The following MLLT3 variants were observed in gnomAD, a reference collection of about 807,000 sequenced individuals.
MLLT3 encodes MLLT3 super elongation complex subunit.
MLLT3 carries 4 observed loss-of-function variants against 53.2 expected under a neutral mutation model. The ratio of observed to expected loss-of-function variants is 0.08; its 90% CI spans 0.04 to 0.17. The LOEUF (loss-of-function observed/expected upper bound fraction) is 0.17. Ranked by LOEUF, MLLT3 falls within the 10% of genes least tolerant of loss-of-function variation. The probability of loss-of-function intolerance (pLI) is 1.00; values close to 1 mark genes in which losing one functional copy is unlikely to be tolerated. For synonymous variants in MLLT3, 283 were observed against 230.6 expected (o/e 1.23, Z -2.06); for missense variants, 569 against 684.0 (o/e 0.83, Z 1.87).
At chr9:20,616,849 G>A (rs537945770) in intron 2 of MLLT3, among the ~76,000 whole-genome samples, 1 of 152,158 alleles carries the variant, frequency 6.6e-6, no homozygotes, top group South Asian at 2.1e-4. Flanking sequence ...GTATCTTTGT[G>A]TACTTGTGAG....
chr9:20,390,341 C>T (rs1200061688), intron 5 of MLLT3, among the ~76,000 whole-genome samples: 1 of 151,864 alleles, frequency 6.6e-6, no homozygotes, highest in Non-Finnish European at 1.5e-5. Flanking sequence ...AGATCTACTA[C>T]CGAAAAAGAG....
intron 7 of MLLT3, among the ~76,000 whole-genome samples, chr9:20,362,267 G>A (rs754874018): frequency 1.3e-5 from 2 of 152,136 alleles, no homozygotes; most frequent in African/African-American, 4.8e-5. Context: ...CAATAAGTAG[G>A]TGGGCAACAA....
At position 20,620,490 on chromosome 9, in the gene MLLT3, G is replaced by A. The variant is rs1820969620; in HGVS notation, c.193+164C>T. On this transcript the variant is annotated intron_variant, in intron 2 of 10. Transcript: ENST00000380338. This position sits in a 1 kb window ranked among gnomAD's most constrained non-coding sequence, Gnocchi z 6.1. ...AGCCGAAGTGGCGCGCGCGCGGGCA[G>A]GCGGGAGCCGGGACCTGGCCCGCGC... 6.6e-6 allele frequency among the ~76,000 whole-genome samples: 1 copy of A among 150,908 alleles called. No individual in the cohort carries two copies. Among genetic ancestry groups the A allele is most frequent in the Admixed American group, 6.6e-5 (1 of 15,150 alleles).
intron 1 of MLLT3, 75 bp downstream of exon 1, chr9:20,622,170 G>C (rs1821038309): frequency 6.1e-6 from 9 of 1,475,262 alleles, no homozygotes; most frequent in South Asian, 1.2e-5. Context: ...CGCTGGCGCT[G>C]TCTGGGCTGC....
intron 2 of MLLT3, among the ~76,000 whole-genome samples, chr9:20,489,779 A>G (rs560106431): frequency 6.6e-6 from 1 of 152,310 alleles, no homozygotes; most frequent in South Asian, 2.1e-4. Context: ...ACGGCAAGCT[A>G]TTTTATTTTG....
At chr9:20,440,184 A>G (rs1823508505) in intron 4 of MLLT3, among the ~76,000 whole-genome samples, 1 of 152,150 alleles carries the variant, frequency 6.6e-6, no homozygotes, top group African/African-American at 2.4e-5. Flanking sequence ...ATTTATACAA[A>G]CCTAAGCCCA....
chr9:20,479,220 G>C (rs779037934), intron 2 of MLLT3, among the ~76,000 whole-genome samples: 10 of 152,052 alleles, frequency 6.6e-5, no homozygotes, highest in Non-Finnish European at 1.3e-4. Context: ...TTTTGTTGTT[G>C]AGGGGGTTCC....
At chr9:20,472,465 A>T (rs1353080025) in intron 2 of MLLT3, among the ~76,000 whole-genome samples, 1 of 152,014 alleles carries the variant, frequency 6.6e-6, no homozygotes, top group Non-Finnish European at 1.5e-5. Flanking sequence ...ATAGTTAGGC[A>T]TTTTCTGTCC....
At chr9:20,417,363 AAT>A (rs1346491759) in intron 4 of MLLT3, among the ~76,000 whole-genome samples, 1 of 147,648 alleles carries the variant, frequency 6.8e-6, no homozygotes, top group African/African-American at 2.5e-5. Flanking sequence ...ATTATATAAA[AAT>A]ATATATATTA....
In MLLT3 at chr9:20,437,804, G is replaced by T. The variant is rs563533480; in HGVS notation, c.420+10319C>A. ...TTCAGAGCTCAAAATCATCAGAAAG[G>T]AAAATTCCACTTCACTTAATCTTTA... On this transcript the variant is annotated intron_variant, in intron 4 of 10. Transcript: ENST00000380338. 3.3e-5 allele frequency among the ~76,000 whole-genome samples: 5 copies of T among 152,172 alleles called. No homozygotes were observed. In the East Asian group the frequency reaches 9.6e-4, roughly 29 times the overall value.
intron 4 of MLLT3, among the ~76,000 whole-genome samples, chr9:20,430,040 G>A (rs527457239): frequency 1.3e-5 from 2 of 152,268 alleles, no homozygotes; most frequent in South Asian, 4.1e-4. Context: ...TTAGTAAGAT[G>A]TTAGAAGTCA....
At chr9:20,494,454 C>A (rs1287253852) in intron 2 of MLLT3, among the ~76,000 whole-genome samples, 1 of 152,090 alleles carries the variant, frequency 6.6e-6, no homozygotes, top group Admixed American at 6.6e-5. Context: ...AAGAAATAAG[C>A]AAATAATTCT....
chr9:20,460,875 T>C (rs1464808116), intron 2 of MLLT3, among the ~76,000 whole-genome samples: 1 of 152,210 alleles, frequency 6.6e-6, no homozygotes. Flanking sequence ...AGAAAAGTGT[T>C]GCCACAGAGG....
At chr9:20,480,796 T>C (rs925548343) in intron 2 of MLLT3, among the ~76,000 whole-genome samples, 74 of 152,298 alleles carry the variant, frequency 4.9e-4, no homozygotes, top group African/African-American at 1.7e-3. Flanking sequence ...TATTTTAATA[T>C]CTCAGAGGGC....
intron 2 of MLLT3, among the ~76,000 whole-genome samples, chr9:20,581,129 C>T (rs1819781122): frequency 6.6e-6 from 1 of 152,088 alleles, no homozygotes; most frequent in Non-Finnish European, 1.5e-5. Flanking sequence ...CTTTCAAGAC[C>T]ATGTTTCTTT....
intron 4 of MLLT3, among the ~76,000 whole-genome samples, chr9:20,430,277 A>C (rs1164267942): frequency 6.6e-6 from 1 of 152,162 alleles, no homozygotes; most frequent in Non-Finnish European, 1.5e-5. Flanking sequence ...TTCAATTCAA[A>C]TCTCAACAGT....
intron 2 of MLLT3, among the ~76,000 whole-genome samples, chr9:20,487,066 A>C (rs1824832982): frequency 1.3e-5 from 2 of 152,268 alleles, no homozygotes; most frequent in African/African-American, 4.8e-5. Context: ...ATAAAAAATC[A>C]ATTATTTATC....
At chr9:20,541,869 A>G (rs11535444) in intron 2 of MLLT3, among the ~76,000 whole-genome samples, 142,881 of 152,264 alleles carry the variant, frequency 0.94, 67,153 homozygotes, top group African/African-American at 0.98. Context: ...CCATATCTGC[A>G]GTCATTTCCT....
At chr9:20,484,995 AT>A (rs562339458) in intron 2 of MLLT3, among the ~76,000 whole-genome samples, 78 of 146,982 alleles carry the variant, frequency 5.3e-4, no homozygotes, top group African/African-American at 7.4e-4. Context: ...TTTTTTATTT[AT>A]TTTTTTTTTT....
Sources: allele counts gnomAD v4.1 joint callset (sites outside exome capture counted in the v4.1 genomes callset), GRCh38; gene constraint gnomAD v4.1.1; non-coding constraint Gnocchi (gnomAD v3.1); transcripts MANE v1.5; gene names NCBI Gene and HGNC (gene_info 2026-07-23, HGNC 2026-07-21).